Variants in ENAH observed in about 807,000 individuals in gnomAD.
The protein encoded by ENAH is ENAH actin regulator.
A neutral mutation model predicts 78.7 loss-of-function variants in ENAH; 23 were observed. That is an observed-to-expected ratio of 0.29 (90% CI 0.21 to 0.41). ENAH has a LOEUF of 0.41. Ranked by LOEUF, ENAH falls within the 10% of genes least tolerant of loss-of-function variation. The pLI, the probability that ENAH is intolerant of heterozygous loss-of-function variation, is 1.00. For missense variants in ENAH, 544 were observed against 691.0 expected, an observed-to-expected ratio of 0.79 and a Z score of 2.39; for synonymous variants, 226 against 241.0, an observed-to-expected ratio of 0.94 and a Z score of 0.58.
chr1:225,556,301 G>A (rs1482476540), intron 2 of ENAH, among the ~76,000 whole-genome samples: 1 of 152,162 alleles, frequency 6.6e-6, no homozygotes, highest in African/African-American at 2.4e-5. Context: ...TTCCAAATTG[G>A]TTCTAGTAAT....
At position 225,492,641 on chromosome 1, in the gene ENAH, T is replaced by A. The variant is rs1193480185; in HGVS notation, c.*5134A>T. 2 of 152,210 alleles carry A rather than the reference T, an allele frequency of 1.3e-5. No homozygotes were observed. The highest frequency in any genetic ancestry group is 4.1e-4 in the South Asian group (2 of 4,830). The allele number at this position is 152,210 out of a possible 1,614,324, so 9.4% of individuals were successfully genotyped here. On this transcript the variant is annotated 3_prime_UTR_variant, in exon 14 of 14. Transcript: ENST00000366843. ...GGCTTCATCTTTGATTTTTTCTGCA[T>A]GTTAATCTGCAAATACTCAAGGCCT...
At chr1:225,563,468 C>T (rs1197444147) in intron 2 of ENAH, among the ~76,000 whole-genome samples, 1 of 152,096 alleles carries the variant, frequency 6.6e-6, no homozygotes, top group African/African-American at 2.4e-5. Context: ...AATTTTATGC[C>T]TAATGTGATG....
intron 2 of ENAH, among the ~76,000 whole-genome samples, chr1:225,561,392 G>A (rs558362904): frequency 5.0e-4 from 76 of 151,896 alleles, no homozygotes; most frequent in African/African-American, 1.6e-3. Context: ...GGGAGGCGGA[G>A]GCAAGCAGAT....
chr1:225,497,878 T>C lies in ENAH; in HGVS notation c.1676-66A>G. ...TAAAGTAAGATAAATGAGTGATTCA[T>C]TCCTAAGAAACTTTAAGGATTGTGC... is the stretch of plus-strand genomic sequence containing the variant. On this transcript the variant is annotated intron_variant, in intron 13 of 13. Transcript: ENST00000366843. The C allele has an allele frequency of 3.5e-6, 5 of 1,439,682 alleles. No individual in the cohort carries two copies. In the South Asian group the frequency reaches 4.7e-5, roughly 14 times the overall value. The allele number at this position is 1,439,682 out of a possible 1,614,324, so 89.2% of individuals were successfully genotyped here.
rs1490892312 is a variant in ENAH at position 225,491,578 on chromosome 1, G to C, written c.*6197C>G. 6.6e-6 allele frequency: 1 copy of C among 152,098 alleles called. No homozygotes were observed. The highest frequency in any genetic ancestry group is 1.5e-5 in the Non-Finnish European group (1 of 68,022). 9.4% of individuals were successfully genotyped at this position (152,098 alleles called of 1,614,324 possible). ...CTTAAGAGACCAAATTTTTAAAAGC[G>C]TTCTGTAATGTATCTCTCTTATATG... On this transcript the variant is annotated 3_prime_UTR_variant, in exon 14 of 14. Transcript: ENST00000366843.
intron 1 of ENAH, among the ~76,000 whole-genome samples, chr1:225,574,023 T>G (rs1178280801): frequency 1.3e-5 from 2 of 152,220 alleles, no homozygotes; most frequent in Non-Finnish European, 2.9e-5. Context: ...GCATCACGTC[T>G]GTTATGATAC....
intron 3 of ENAH, among the ~76,000 whole-genome samples, chr1:225,538,609 G>T (rs137949620): frequency 2.7e-5 from 4 of 150,812 alleles, no homozygotes; most frequent in Admixed American, 6.6e-5. Flanking sequence ...ATATGATTGG[G>T]TTTTTTTCCC....
At chr1:225,510,958 T>C (rs2096372331) in intron 10 of ENAH, among the ~76,000 whole-genome samples, 1 of 151,436 alleles carries the variant, frequency 6.6e-6, no homozygotes, top group Admixed American at 6.6e-5. Flanking sequence ...GAGGTGGGGG[T>C]TGCGGTGAGC....
At chr1:225,559,299 T>A (rs1558813146) in intron 2 of ENAH, among the ~76,000 whole-genome samples, 1 of 152,220 alleles carries the variant, frequency 6.6e-6, no homozygotes, top group Non-Finnish European at 1.5e-5. Context: ...TTTGTATGAT[T>A]TTAATCCTTT....
chr1:225,511,946 T>C (rs1184630126), intron 9 of ENAH, 87 bp from the exon 10 acceptor site: 1 of 801,998 alleles, frequency 1.2e-6, no homozygotes, highest in East Asian at 2.9e-5. Flanking sequence ...ACTTCTAATA[T>C]TCTTTCTGCC....
chr1:225,531,074 G>GGAGA (rs753699843), intron 3 of ENAH: 2 of 398,218 alleles, frequency 5.0e-6, no homozygotes, highest in Non-Finnish European at 4.4e-6. Flanking sequence ...ATGAAAAACA[G>GGAGA]GAGAGAGAGA....
At chr1:225,573,620 T>C (rs1240690267) in intron 1 of ENAH, among the ~76,000 whole-genome samples, 1 of 151,804 alleles carries the variant, frequency 6.6e-6, no homozygotes, top group Non-Finnish European at 1.5e-5. Context: ...GAAGCACAAA[T>C]ACCAGACGAG....
chr1:225,652,332 C>T, intron 1 of ENAH: 6 of 985,392 alleles, frequency 6.1e-6, no homozygotes, highest in Non-Finnish European at 7.2e-6. Flanking sequence ...TTCCCAGCAA[C>T]ACGCACGCTT....
intron 12 of ENAH, among the ~76,000 whole-genome samples, chr1:225,500,704 A>G (rs1443421104): frequency 1.3e-5 from 2 of 152,164 alleles, no homozygotes; most frequent in Non-Finnish European, 2.9e-5. Context: ...GTAAAAGCCC[A>G]TTGTTTTCTT....
Position 225,512,638 on chromosome 1 carries a change from A to C in ENAH, c.1422+19T>G. ...AATTCCATATTTTAAGGTATGGTAGACTATCTTTATTAACTTACACCTTTG... is the reference window on the plus strand; with the variant it reads ...AATTCCATATTTTAAGGTATGGTAGCCTATCTTTATTAACTTACACCTTTG... On this transcript the variant is annotated intron_variant, in intron 9 of 13. Coordinates refer to ENST00000366843, the MANE Select transcript of ENAH (RefSeq NM_018212.6). 1 of 1,607,476 alleles carries C rather than the reference A, an allele frequency of 6.2e-7. No individual in the cohort carries two copies. The highest frequency in any genetic ancestry group is 8.5e-7 in the Non-Finnish European group (1 of 1,175,788).
chr1:225,500,601 AG>A, intron 12 of ENAH, among the ~76,000 whole-genome samples: 1 of 152,314 alleles, frequency 6.6e-6, no homozygotes, highest in African/African-American at 2.4e-5. Flanking sequence ...ACTGCTTTTT[AG>A]AAAGCAGAAG....
intron 1 of ENAH, among the ~76,000 whole-genome samples, chr1:225,584,541 T>C (rs554500071): frequency 3.2e-4 from 49 of 152,186 alleles, no homozygotes; most frequent in African/African-American, 1.0e-3. Flanking sequence ...ATTAAAATGG[T>C]AGACTGAAGT....
intron 1 of ENAH, among the ~76,000 whole-genome samples, chr1:225,605,909 A>T (rs908247060): frequency 1.3e-5 from 2 of 152,186 alleles, no homozygotes; most frequent in African/African-American, 4.8e-5. Flanking sequence ...TAGCCTTCAG[A>T]ATTGTGAGGA....
At chr1:225,554,443 G>C (rs1465463539) in intron 3 of ENAH, among the ~76,000 whole-genome samples, 1 of 152,034 alleles carries the variant, frequency 6.6e-6, no homozygotes, top group Non-Finnish European at 1.5e-5. Flanking sequence ...AAAAAACCGA[G>C]AATCACATTT....
Sources: allele counts gnomAD v4.1 joint callset (sites outside exome capture counted in the v4.1 genomes callset), GRCh38; gene constraint gnomAD v4.1.1; transcripts MANE v1.5; gene names NCBI Gene and HGNC (gene_info 2026-07-23, HGNC 2026-07-21).